Variants in C1orf87 observed in about 807,000 individuals in gnomAD.
The protein encoded by C1orf87 is chromosome 1 open reading frame 87.
A neutral mutation model predicts 60.5 loss-of-function variants in C1orf87; 58 were observed. The ratio of observed to expected loss-of-function variants is 0.96; its 90% confidence interval spans 0.78 to 1.19. The LOEUF (loss-of-function observed/expected upper bound fraction) is 1.19. Among genes scored for constraint, C1orf87 ranks in the 50% most tolerant of loss-of-function variants. The pLI is 0.00. For synonymous variants in C1orf87, 236 were observed against 227.4 expected, an observed-to-expected ratio of 1.04 and a Z score of -0.34; for missense variants, 673 against 638.6, an observed-to-expected ratio of 1.05 and a Z score of -0.58.
At chr1:60,047,387 T>C (rs1210317434) in intron 3 of C1orf87, among the ~76,000 whole-genome samples, 1 of 152,194 alleles carries the variant, frequency 6.6e-6, no homozygotes, top group Admixed American at 6.5e-5. Flanking sequence ...CCAAATTATG[T>C]CGCTTTCAAC....
intron 9 of C1orf87, among the ~76,000 whole-genome samples, chr1:60,004,296 A>G (rs1020871528): frequency 2.0e-5 from 3 of 152,036 alleles, no homozygotes; most frequent in African/African-American, 7.2e-5. Flanking sequence ...TTAAAGAAAA[A>G]AACCTACGTA....
At chr1:60,010,683 G>A (rs1645077433) in intron 8 of C1orf87, among the ~76,000 whole-genome samples, 1 of 151,842 alleles carries the variant, frequency 6.6e-6, no homozygotes, top group Non-Finnish European at 1.5e-5. Context: ...CTAAGTCTAG[G>A]GTCAGGCCTC....
intron 7 of C1orf87, among the ~76,000 whole-genome samples, chr1:60,032,301 A>G (rs537486963): frequency 1.3e-5 from 2 of 152,134 alleles, no homozygotes; most frequent in Non-Finnish European, 2.9e-5. Context: ...GGAATCATCC[A>G]GATATCTTCT....
At chr1:60,043,925 C>T (rs77444875) in intron 3 of C1orf87, among the ~76,000 whole-genome samples, 10,394 of 152,206 alleles carry the variant, frequency 0.068, 372 homozygotes, top group Non-Finnish European at 0.078. Context: ...TATTAAGTGC[C>T]TTTATCCTTG....
At chr1:60,051,640 G>C (rs1645415025) in intron 3 of C1orf87, among the ~76,000 whole-genome samples, 1 of 152,174 alleles carries the variant, frequency 6.6e-6, no homozygotes, top group Non-Finnish European at 1.5e-5. Flanking sequence ...GAGTTGTGGG[G>C]TGATTTGTTA....
At position 60,004,034 on chromosome 1, in the gene C1orf87, C is replaced by T. The variant is rs146146891; in HGVS notation, c.1193-2878G>A. 2.6e-5 allele frequency among the ~76,000 whole-genome samples: 4 copies of T among 152,048 alleles called. No homozygotes were observed. The South Asian group carries it at 6.2e-4, about 24-fold the overall frequency. ...ACGAGAACCCATCCTCAACTAGTAG[C>T]ATTGGCTACTGCTTATTTCAACCAA... On this transcript the variant is annotated intron_variant, in intron 9 of 11. Coordinates refer to ENST00000371201, the MANE Select transcript of C1orf87 (RefSeq NM_152377.3).
rs556586732 is a variant in C1orf87 at position 60,062,039 on chromosome 1, T to A, written c.108-6601A>T. ...GGAGGAGGTTCCCTCCCTGCAAGGT[T>A]GACTCAGGCTACCTGTGTCTCTTGA... On this transcript the variant is annotated intron_variant, in intron 2 of 11. Transcript: ENST00000371201. 6.6e-5 allele frequency among the ~76,000 whole-genome samples: 10 copies of A among 152,284 alleles called. No homozygotes were observed. In the East Asian group the frequency reaches 1.5e-3, roughly 24 times the overall value.
At chr1:60,046,386 CTT>C (rs1277167586) in intron 3 of C1orf87, among the ~76,000 whole-genome samples, 4 of 119,374 alleles carry the variant, frequency 3.4e-5, no homozygotes, top group Non-Finnish European at 6.7e-5. Context: ...TTCTTTCTTT[CTT>C]TCTCTCTCCC....
intron 2 of C1orf87, among the ~76,000 whole-genome samples, chr1:60,064,781 A>ATT (rs1304969153): frequency 2.2e-4 from 21 of 93,874 alleles, no homozygotes; most frequent in South Asian, 1.4e-3. Flanking sequence ...TTTAATATAT[A>ATT]AATATATATT....
chr1:60,052,633 G>A (rs1049496523), intron 3 of C1orf87, among the ~76,000 whole-genome samples: 1 of 152,204 alleles, frequency 6.6e-6, no homozygotes. Flanking sequence ...ACACTTGCTC[G>A]TCCTCAAGCA....
At chr1:60,025,356 G>A in intron 8 of C1orf87, 45 bp downstream of exon 8, 2 of 1,418,010 alleles carry the variant, frequency 1.4e-6, no homozygotes, top group Non-Finnish European at 2.0e-6. Flanking sequence ...TTTGGGGAAG[G>A]GGTGGTGGAT....
intron 5 of C1orf87, among the ~76,000 whole-genome samples, chr1:60,039,220 T>A (rs1645300287): frequency 6.6e-6 from 1 of 152,166 alleles, no homozygotes; most frequent in Non-Finnish European, 1.5e-5. Context: ...TTAAGGTTTG[T>A]GCTGTCTATT....
chr1:60,003,014 A>T (rs1412153987), intron 9 of C1orf87, among the ~76,000 whole-genome samples: 1 of 151,656 alleles, frequency 6.6e-6, no homozygotes, highest in Non-Finnish European at 1.5e-5. Context: ...ATAAAGACAC[A>T]TGCACACGTA....
intron 10 of C1orf87, 21 bp downstream of exon 10, chr1:60,001,056 C>T (rs760432241): frequency 6.3e-7 from 1 of 1,594,276 alleles, no homozygotes; most frequent in Non-Finnish European, 8.6e-7. Context: ...CCCCCAAACT[C>T]TATATACCCC....
At chr1:60,024,721 T>C (rs1645186770) in intron 8 of C1orf87, among the ~76,000 whole-genome samples, 2 of 152,314 alleles carry the variant, frequency 1.3e-5, no homozygotes, top group South Asian at 4.1e-4. Flanking sequence ...TCCTATGCAA[T>C]AAGCTAGGCT....
chr1:60,031,647 A>G (rs1266132363), intron 7 of C1orf87, among the ~76,000 whole-genome samples: 1 of 152,186 alleles, frequency 6.6e-6, no homozygotes, highest in East Asian at 1.9e-4. Flanking sequence ...TCACATATTT[A>G]TTTTATTTAA....
chr1:60,041,443 T>A (rs1645324489), intron 3 of C1orf87, among the ~76,000 whole-genome samples: 1 of 152,278 alleles, frequency 6.6e-6, no homozygotes, highest in Admixed American at 6.5e-5. Context: ...TAGGCAAATG[T>A]GGGGTTCTTA....
chr1:60,062,657 A>G (rs1459301736), intron 2 of C1orf87, among the ~76,000 whole-genome samples: 1 of 152,102 alleles, frequency 6.6e-6, no homozygotes, highest in Admixed American at 6.6e-5. Context: ...ATTGCCAATT[A>G]TTGAAATGAG....
chr1:59,991,262 T>C (rs1356806928), intron 11 of C1orf87, among the ~76,000 whole-genome samples: 2 of 152,208 alleles, frequency 1.3e-5, no homozygotes, highest in Admixed American at 6.5e-5. Context: ...ATTTTCAAAA[T>C]GCATTTCTCT....
Sources: gnomAD v4.1 joint callset for allele counts (sites outside exome capture counted in the v4.1 genomes callset) on GRCh38, gnomAD v4.1.1 for gene constraint, MANE v1.5 for transcripts, NCBI Gene and HGNC (gene_info 2026-07-23, HGNC 2026-07-21) for gene names.